CCNH: variants seen among roughly 807,000 people sequenced by gnomAD.
CCNH encodes the protein cyclin-H.
Under a neutral mutation model 41.9 loss-of-function variants are expected in CCNH, and 31 were observed. That is an observed-to-expected ratio of 0.74 (90% CI 0.56 to 1.00). The LOEUF (loss-of-function observed/expected upper bound fraction) is 1.00, where lower values mean the gene tolerates loss of function less well. Among genes scored for constraint, CCNH ranks in the 50% least tolerant of loss-of-function variants. The pLI is 0.00. For synonymous variants in CCNH, 138 were observed against 136.1 expected, an observed-to-expected ratio of 1.01 and a Z score of -0.10; for missense variants, 362 against 388.4, an observed-to-expected ratio of 0.93 and a Z score of 0.57.
downstream of CCNH, chr5:87,390,756 G>T: frequency 2.0e-6 from 3 of 1,525,700 alleles, no homozygotes; most frequent in South Asian, 3.4e-5. Flanking sequence ...TGAAATTGCT[G>T]ACCGAGCTTT....
chr5:87,335,591 A>G (rs1757916621), intron 9 of CCNH, among the ~76,000 whole-genome samples: 1 of 151,246 alleles, frequency 6.6e-6, no homozygotes, highest in African/African-American at 2.4e-5. Flanking sequence ...ACACCTGGCT[A>G]ATTTTGATAT....
At chr5:87,319,918 C>T (rs374957168) in intron 9 of CCNH, among the ~76,000 whole-genome samples, 5 of 152,284 alleles carry the variant, frequency 3.3e-5, no homozygotes, top group South Asian at 2.1e-4. Context: ...AATTTCACAC[C>T]GTCTCTTCAT....
chr5:87,339,384 T>C (rs1227407478), intron 9 of CCNH, among the ~76,000 whole-genome samples: 1 of 152,118 alleles, frequency 6.6e-6, no homozygotes, highest in African/African-American at 2.4e-5. Flanking sequence ...AAAAGAGATA[T>C]TTACTCCATA....
chr5:87,334,679 C>T (rs1178375312), intron 9 of CCNH, among the ~76,000 whole-genome samples: 2 of 152,178 alleles, frequency 1.3e-5, no homozygotes, highest in Admixed American at 6.5e-5. Context: ...GTACTGTATT[C>T]TTCACTGTTA....
chr5:87,331,065 TAGC>T (rs2112364953), intron 9 of CCNH: 19 of 1,103,984 alleles, frequency 1.7e-5, no homozygotes, highest in Admixed American at 2.9e-5. Context: ...ATATTTTGAA[TAGC>T]AGGCAATCCT....
At chr5:87,378,238 T>G (rs1249286693), upstream of CCNH, among the ~76,000 whole-genome samples, 1 of 152,212 alleles carries the variant, frequency 6.6e-6, no homozygotes, top group Admixed American at 6.5e-5. Context: ...TCTGTAGAAG[T>G]ATAGGATGTC....
chr5:87,377,588 C>T (rs115835252), upstream of CCNH, among the ~76,000 whole-genome samples: 528 of 152,168 alleles, frequency 3.5e-3, 1 homozygote, highest in African/African-American at 0.012. Context: ...CCGCCTGCCT[C>T]AAGCCTCCCA....
chr5:87,331,111 T>C, intron 9 of CCNH: 1 of 875,660 alleles, frequency 1.1e-6, no homozygotes, highest in South Asian at 1.7e-5. Flanking sequence ...ATGGAAGAGA[T>C]TTATATATGA....
the CCNH span, among the ~76,000 whole-genome samples, chr5:87,313,303 G>A: frequency 2.0e-5 from 3 of 152,246 alleles, no homozygotes; most frequent in East Asian, 1.9e-4. Flanking sequence ...GGAGGTATAG[G>A]TATTCCTTGA....
chr5:87,399,335 G>A (rs1208143432), intron 7 of CCNH, 59 bp downstream of exon 7: 7 of 1,234,658 alleles, frequency 5.7e-6, no homozygotes, highest in African/African-American at 4.4e-5. Context: ...AATGATTTAC[G>A]AACCAGCTGG....
At chr5:87,346,620 G>T in intron 9 of CCNH, 1 of 1,201,612 alleles carries the variant, frequency 8.3e-7, no homozygotes, top group Admixed American at 1.8e-5. Context: ...TTGATCATAT[G>T]ATAACAGCAA....
chr5:87,322,664 T>C (rs1756916780), intron 9 of CCNH, among the ~76,000 whole-genome samples: 1 of 152,196 alleles, frequency 6.6e-6, no homozygotes, highest in African/African-American at 2.4e-5. Flanking sequence ...TCTATAGTCC[T>C]GCAGAACCAT....
intron 9 of CCNH, among the ~76,000 whole-genome samples, chr5:87,359,324 T>TA (rs954075672): frequency 7.2e-5 from 11 of 152,256 alleles, no homozygotes; most frequent in African/African-American, 2.4e-4. Context: ...GGGAGGAATG[T>TA]AAAAAATCTA....
intron 9 of CCNH, among the ~76,000 whole-genome samples, chr5:87,325,643 A>G (rs1394227564): frequency 6.6e-6 from 1 of 152,238 alleles, no homozygotes; most frequent in Non-Finnish European, 1.5e-5. Context: ...TGTCAGTAAT[A>G]TAACCAAAAG....
downstream of CCNH, among the ~76,000 whole-genome samples, chr5:87,314,781 T>C (rs1006182047): frequency 6.6e-6 from 1 of 152,172 alleles, no homozygotes; most frequent in African/African-American, 2.4e-5. Flanking sequence ...AGTTGAGATA[T>C]CCAGATTGAA....
At chr5:87,390,907 A>G, downstream of CCNH, 1 of 1,579,490 alleles carries the variant, frequency 6.3e-7, no homozygotes, top group South Asian at 1.1e-5. Flanking sequence ...AGTGTTCTGC[A>G]TGGATTCAGC....
chr5:87,398,336 T>C (rs923180010), intron 7 of CCNH, among the ~76,000 whole-genome samples: 2 of 152,218 alleles, frequency 1.3e-5, no homozygotes, highest in African/African-American at 4.8e-5. Context: ...TTTTCATAGT[T>C]ATCCAGCAGC....
downstream of CCNH, chr5:87,374,151 T>C: frequency 7.1e-7 from 1 of 1,414,152 alleles, no homozygotes; most frequent in Non-Finnish European, 9.3e-7. Flanking sequence ...ATATATATTT[T>C]TTTTTTTTTA....
chr5:87,380,632 A>G (rs754324892), upstream of CCNH: 54 of 1,502,842 alleles, frequency 3.6e-5, no homozygotes, highest in Non-Finnish European at 4.7e-5. Flanking sequence ...ATCACATACT[A>G]ATAGGTGGAT....
Sources: allele counts gnomAD v4.1 joint callset (sites outside exome capture counted in the v4.1 genomes callset), GRCh38; gene constraint gnomAD v4.1.1; transcripts MANE v1.5; gene names NCBI Gene and HGNC (gene_info 2026-07-23, HGNC 2026-07-21).